Variants in PNCK observed in about 807,000 individuals in gnomAD.
PNCK encodes pregnancy up-regulated nonubiquitous CaM kinase, also known as calcium/calmodulin-dependent protein kinase type 1B.
Under a neutral mutation model 28.3 loss-of-function variants are expected in PNCK, and 21 were observed. That is an observed-to-expected ratio of 0.74 (90% CI 0.53 to 1.07). PNCK has a LOEUF of 1.07. PNCK is among the 50% of genes least tolerant of loss of function. PNCK has a pLI of 0.00. For synonymous variants in PNCK, 136 were observed against 125.2 expected (o/e 1.09, Z -0.58); for missense variants, 250 against 298.3 (o/e 0.84, Z 1.19).
upstream of PNCK, among the ~76,000 whole-genome samples, chrX:153,675,973 C>CT (rs1355888245): frequency 6.9e-4 from 64 of 92,225 alleles, 2 homozygotes; most frequent in South Asian, 0.015. Flanking sequence ...CTTTTCTTTT[C>CT]TTTTTTTTCT....
chrX:153,671,424 C>T (rs370262918), intron 6 of PNCK, 64 bp from the exon 7 acceptor site: 134 of 1,210,219 alleles, frequency 1.1e-4, no homozygotes, highest in Non-Finnish European at 1.4e-4. Flanking sequence ...CTCAGTGTCA[C>T]TGGCTCGGCC....
intron 1 of PNCK, among the ~76,000 whole-genome samples, chrX:153,681,752 A>G (rs1266507575): frequency 8.9e-6 from 1 of 112,432 alleles, no homozygotes; most frequent in Non-Finnish European, 1.9e-5. Context: ...GCAATAAATG[A>G]GCTGTCCTAA....
At chrX:153,670,201 G>C in intron 11 of PNCK, 71 bp from the exon 12 acceptor site, 4 of 412,674 alleles carry the variant, frequency 9.7e-6, no homozygotes, top group Admixed American at 4.2e-5. Flanking sequence ...CCCACCCCCC[G>C]CCTCGGTCAA....
At chrX:153,672,743 A>T (rs782721146) in intron 2 of PNCK, 46 bp from the exon 3 acceptor site, 34 of 1,152,719 alleles carry the variant, frequency 2.9e-5, no homozygotes, top group Non-Finnish European at 3.3e-5. Flanking sequence ...GTGGGAAGAG[A>T]GGAGAGGCAG....
chrX:153,674,139 A>C, upstream of PNCK: 1 of 1,209,435 alleles, frequency 8.3e-7, no homozygotes, highest in Non-Finnish European at 1.1e-6. Context: ...CTCCGAGGAC[A>C]GGCTGACCCG....
chrX:153,686,916 A>T (rs1456122380), intron 1 of PNCK: 1 of 113,211 alleles, frequency 8.8e-6, no homozygotes, highest in Non-Finnish European at 1.9e-5. Flanking sequence ...CCGCGGGCTT[A>T]GCTTAACGGG....
At position 153,670,903 on chromosome X, in the gene PNCK, A is replaced by G. The variant is rs1557039510; in HGVS notation, c.806+15T>C. The G allele has an allele frequency of 4.1e-6, 5 of 1,212,009 alleles. No homozygotes were observed. Among genetic ancestry groups the G allele is most frequent in the Non-Finnish European group, 5.6e-6 (5 of 895,277 alleles). Reference sequence around the variant, plus strand: ...CCCCCTGGCCCTGGGGCAGCTCAGCAGGGCTCCCACTCACCAAAGGTGCCG... The same window carrying G: ...CCCCCTGGCCCTGGGGCAGCTCAGCGGGGCTCCCACTCACCAAAGGTGCCG... On this transcript the variant is annotated intron_variant, in intron 9 of 11. Transcript: ENST00000340888.
At position 153,679,935 on chromosome X, in the gene PNCK, T is replaced by G. The variant is rs782394160; in HGVS notation, c.-2-6857A>C. Among the ~76,000 whole-genome samples, 11 of 110,406 alleles carry G rather than the reference T, an allele frequency of 1.0e-4. No homozygotes were observed. The South Asian group carries it at 4.2e-3, about 43-fold the overall frequency. ...GGTGTGGTGGTGTGTACCCATAGTC[T>G]CAGTTACTTGGGAGGCTGAGGCAGC... On this transcript the variant is annotated intron_variant, in intron 1 of 3. Coordinates refer to the PNCK transcript ENST00000419804.
intron 10 of PNCK, 44 bp from the exon 11 acceptor site, chrX:153,670,638 C>G (rs782695051): frequency 3.6e-5 from 43 of 1,196,505 alleles, no homozygotes; most frequent in Non-Finnish European, 4.5e-6. Flanking sequence ...GGCCCAGGCC[C>G]CAGCCCCTAG....
Position 153,671,535 on chromosome X carries a change from G to A in PNCK, c.538+14C>T, listed in dbSNP as rs368618313. ...CACCCCACTCCCAGCAAGCCTCAGGGTGTCGTCCCTCACCCACATATCCAG... is the reference window on the plus strand; with the variant it reads ...CACCCCACTCCCAGCAAGCCTCAGGATGTCGTCCCTCACCCACATATCCAG... On this transcript the variant is annotated intron_variant, in intron 6 of 11. Transcript: ENST00000340888. 1.8e-4 allele frequency: 214 copies of A among 1,210,432 alleles called. 1 individual carries two copies. The highest frequency in any genetic ancestry group is 2.4e-4 in the Non-Finnish European group (211 of 895,271).
intron 1 of PNCK, among the ~76,000 whole-genome samples, chrX:153,684,181 C>T (rs1223110450): frequency 8.9e-6 from 1 of 112,481 alleles, no homozygotes; most frequent in Non-Finnish European, 1.9e-5. Flanking sequence ...AGGGTAAATG[C>T]AGACAGGGTT....
Position 153,670,851 on chromosome X carries a change from CA to C in PNCK, c.807-21del, listed in dbSNP as rs782062812. 4.0e-5 allele frequency: 48 copies of C among 1,209,084 alleles called. No homozygotes were observed. The highest frequency in any genetic ancestry group is 1.2e-4 in the South Asian group (7 of 56,785). On this transcript the variant is annotated intron_variant, in intron 9 of 11. Coordinates refer to ENST00000340888, the MANE Select transcript of PNCK (RefSeq NM_001366977.1). Reference sequence around the variant, plus strand: ...GAGATCCTGGGGAAAGGCTGAAGGTCAGGGGGGGTCTCTCTGCAAATGCAGG... The same window carrying C: ...GAGATCCTGGGGAAAGGCTGAAGGTCGGGGGGGTCTCTCTGCAAATGCAGG...
At chrX:153,671,706 C>G in intron 5 of PNCK, 34 bp from the exon 6 acceptor site, 1 of 1,175,564 alleles carries the variant, frequency 8.5e-7, no homozygotes, top group South Asian at 2.0e-5. Flanking sequence ...AAGGGCCAGT[C>G]AGTCCTGACG....
chrX:153,684,559 T>C (rs2091409296), intron 1 of PNCK, among the ~76,000 whole-genome samples: 1 of 106,109 alleles, frequency 9.4e-6, no homozygotes, highest in Admixed American at 1.0e-4. Context: ...TACAAAGCCC[T>C]TCCAGGTGGA....
In PNCK at chrX:153,673,312, C is replaced by T. The variant is rs1557040835; in HGVS notation, c.-2-234G>A. On this transcript the variant is annotated intron_variant, in intron 1 of 11. Transcript: ENST00000340888. ...CTATCCCACGCACCCTCCCCCGCACCCCGAAGGCGACCAGCGCCTGGATGC... is the reference window on the plus strand; with the variant it reads ...CTATCCCACGCACCCTCCCCCGCACTCCGAAGGCGACCAGCGCCTGGATGC... 1.1e-5 allele frequency: 13 copies of T among 1,169,925 alleles called. No homozygotes were observed. In the South Asian group the frequency reaches 2.5e-4, roughly 23 times the overall value.
At chrX:153,682,904 A>G (rs1314069070) in intron 1 of PNCK, among the ~76,000 whole-genome samples, 1 of 112,050 alleles carries the variant, frequency 8.9e-6, no homozygotes, top group African/African-American at 3.2e-5. Context: ...TTTCGGACTC[A>G]GCCTGCCTGC....
At chrX:153,682,219 C>T (rs2091398540) in intron 1 of PNCK, among the ~76,000 whole-genome samples, 1 of 110,773 alleles carries the variant, frequency 9.0e-6, no homozygotes, top group African/African-American at 3.3e-5. Context: ...TAACTCCTGA[C>T]CTCAGGTGAT....
At chrX:153,671,826 G>T in intron 5 of PNCK, 54 bp downstream of exon 5, 23 of 1,183,037 alleles carry the variant, frequency 1.9e-5, no homozygotes, top group Non-Finnish European at 2.6e-5. Context: ...GAAAACAAAG[G>T]CAGGGCCAGG....
upstream of PNCK, chrX:153,675,378 G>T (rs1404193357): frequency 8.9e-6 from 1 of 112,298 alleles, no homozygotes; most frequent in African/African-American, 3.2e-5. Flanking sequence ...GAGGCCAGAA[G>T]GAAAGCACCC....
Sources: gnomAD v4.1 joint callset for allele counts (sites outside exome capture counted in the v4.1 genomes callset) on GRCh38, gnomAD v4.1.1 for gene constraint, MANE v1.5 for transcripts, NCBI Gene and HGNC (gene_info 2026-07-23, HGNC 2026-07-21) for gene names.